Variants in UGT2B28 observed in about 807,000 individuals in gnomAD.
UGT2B28 encodes the protein UDP-glucuronosyltransferase 2B28.
A neutral mutation model predicts 43.6 loss-of-function variants in UGT2B28; 45 were observed. The observed-to-expected ratio is 1.03, with a 90% CI of 0.81 to 1.32. The LOEUF (loss-of-function observed/expected upper bound fraction) is 1.32, where lower values mean the gene tolerates loss of function less well. Ranked by LOEUF, UGT2B28 falls within the 40% of genes most tolerant of loss-of-function variation. The pLI, the probability that UGT2B28 is intolerant of heterozygous loss-of-function variation, is 0.00. For synonymous variants in UGT2B28, 204 were observed against 208.1 expected (o/e 0.98, Z 0.17); for missense variants, 649 against 625.5 (o/e 1.04, Z -0.40).
chr4:69,292,238 A>C (rs191713274), intron 5 of UGT2B28, among the ~76,000 whole-genome samples: 1 of 140,336 alleles, frequency 7.1e-6, no homozygotes, highest in African/African-American at 2.8e-5. Context: ...GATTTTGTTC[A>C]CACCCCAAAG....
In UGT2B28 at chr4:69,281,029, G is replaced by T; in HGVS notation, c.529G>T (p.Gly177Cys). ...PFVYSLCFTP[G>C]YTIERHSGGL... is the part of the protein sequence containing the mutation. ...TGTGTACAGTCTCTGCTTCACTCCT[G>T]GCTACACAATTGAAAGGCACAGTGG... Residue 177 changes from glycine to cysteine, a missense_variant, in exon 1 of 6, where the codon GGC becomes TGC. Coordinates refer to ENST00000335568, the MANE Select transcript of UGT2B28 (RefSeq NM_053039.2). 1 of 1,559,182 alleles carries T rather than the reference G, an allele frequency of 6.4e-7. No individual in the cohort carries two copies. Among genetic ancestry groups the T allele is most frequent in the Non-Finnish European group, 8.7e-7 (1 of 1,155,258 alleles).
At chr4:69,293,942 C>T (rs1447549315) in intron 5 of UGT2B28, among the ~76,000 whole-genome samples, 1 of 140,072 alleles carries the variant, frequency 7.1e-6, no homozygotes, top group Non-Finnish European at 1.5e-5. Context: ...AGCAAAGTGA[C>T]AAGCCATGAG....
chr4:69,281,702 G>T (rs1168513381), intron 1 of UGT2B28, among the ~76,000 whole-genome samples: 14 of 140,242 alleles, frequency 1.0e-4, no homozygotes, highest in Middle Eastern at 3.7e-3. Flanking sequence ...TCACAGTAGA[G>T]AGAGATAATG....
Position 69,286,833 on chromosome 4 carries a change from G to C in UGT2B28, c.952G>C (p.Ala318Pro). 6.4e-7 allele frequency: 1 copy of C among 1,556,860 alleles called. No homozygotes were observed. The highest frequency in any genetic ancestry group is 8.7e-7 in the Non-Finnish European group (1 of 1,154,540). ...GGGGTCAGTGATAAGTAACATGACA[G>C]CAGAAAGGGCCAACGTAATTGCAAC... ...SLGSVISNMTAERANVIATAL... is the reference protein window; with the variant it reads ...SLGSVISNMTPERANVIATAL... The change falls in exon 3 of 6, where the codon GCA becomes CCA. Residue 318 changes from alanine to proline, a missense_variant. Coordinates refer to ENST00000335568, the MANE Select transcript of UGT2B28 (RefSeq NM_053039.2).
chr4:69,292,149 G>T (rs1723973061), intron 5 of UGT2B28, among the ~76,000 whole-genome samples: 1 of 139,970 alleles, frequency 7.1e-6, no homozygotes, highest in African/African-American at 2.8e-5. Context: ...GTCCCATTCT[G>T]GGTGCACTAA....
Position 69,281,723 on chromosome 4 carries a change from A to T in UGT2B28, c.721+502A>T, listed in dbSNP as rs138618804. 1.4e-5 allele frequency among the ~76,000 whole-genome samples: 2 copies of T among 140,448 alleles called. 1 individual carries two copies. Among genetic ancestry groups the T allele is most frequent in the Non-Finnish European group, 3.0e-5 (2 of 65,756 alleles). The allele number at this position is 140,448 out of a possible 152,430, so 92.1% of individuals were successfully genotyped here. On this transcript the variant is annotated intron_variant, in intron 1 of 5. Transcript: ENST00000335568. ...TAGAGAGAGATAATGTCCACATCTC[A>T]GATGCAAAAGTTAATCAGGGTAATT...
intron 2 of UGT2B28, 127 bp from the exon 3 acceptor site, chr4:69,286,625 A>G (rs1577994109): frequency 7.5e-7 from 1 of 1,327,978 alleles, no homozygotes; most frequent in Non-Finnish European, 1.0e-6. Flanking sequence ...GAGTCAGTTA[A>G]AAAATATTAT....
chr4:69,288,925 T>C (rs1723860043), intron 3 of UGT2B28, among the ~76,000 whole-genome samples: 1 of 140,786 alleles, frequency 7.1e-6, no homozygotes, highest in Non-Finnish European at 1.5e-5. Flanking sequence ...CATATTTTTG[T>C]TTTTTTATGG....
At position 69,282,652 on chromosome 4, in the gene UGT2B28, C is replaced by T. The variant is rs776573611; in HGVS notation, c.860C>T (p.Pro287Leu). The stretch of plus-strand genomic sequence containing the variant: ...GGACTCCACTGCAAACCTGCCAAAC[C>T]CCTACCTAAGGTAAACATACTTTCG... Reference protein sequence around the residue: ...VGGLHCKPAKPLPKEMEEFVQ... With the variant: ...VGGLHCKPAKLLPKEMEEFVQ... Residue 287 changes from proline (P) to leucine (L), a missense_variant, in exon 2 of 6, where the codon CCC (proline) becomes CTC (leucine). Coordinates refer to ENST00000335568, the MANE Select transcript of UGT2B28 (RefSeq NM_053039.2). The T allele has an allele frequency of 3.2e-6, 5 of 1,548,578 alleles. 1 individual carries two copies. The highest frequency in any genetic ancestry group is 1.7e-6 in the Non-Finnish European group (2 of 1,151,692).
chr4:69,288,291 T>A (rs1377712879), intron 3 of UGT2B28, among the ~76,000 whole-genome samples: 1 of 140,238 alleles, frequency 7.1e-6, no homozygotes, highest in East Asian at 2.0e-4. Context: ...CTTGGCAGCA[T>A]TTATTTATTT....
At chr4:69,284,639 C>G (rs546722859) in intron 2 of UGT2B28, among the ~76,000 whole-genome samples, 1 of 139,474 alleles carries the variant, frequency 7.2e-6, no homozygotes, top group South Asian at 2.4e-4. Context: ...TGTAAAAGGA[C>G]AAGAAAAAAG....
At position 69,280,555 on chromosome 4, in the gene UGT2B28, A is replaced by T; in HGVS notation, c.55A>T (p.Ser19Cys). The T allele has an allele frequency of 1.9e-6, 3 of 1,560,244 alleles. 1 individual carries two copies. Among genetic ancestry groups the T allele is most frequent in the Non-Finnish European group, 1.7e-6 (2 of 1,155,546 alleles). Residue 19 changes from serine (S) to cysteine (C), a missense_variant, in exon 1 of 6, where the codon AGC becomes TGC. Coordinates refer to ENST00000335568, the MANE Select transcript of UGT2B28 (RefSeq NM_053039.2). Reference sequence around the variant, plus strand: ...GCTGATACATCTCGGTTGTTACTTTAGCTCTGGGAGTTGTGGAAAGGTGCT... The same window carrying T: ...GCTGATACATCTCGGTTGTTACTTTTGCTCTGGGAGTTGTGGAAAGGTGCT... The part of the protein sequence containing the change: ...LLLIHLGCYF[S>C]SGSCGKVLVW...
chr4:69,286,517 A>G (rs544561217), intron 2 of UGT2B28, among the ~76,000 whole-genome samples: 2 of 140,554 alleles, frequency 1.4e-5, no homozygotes, highest in East Asian at 2.0e-4. Context: ...CATTACACAC[A>G]TGCAGACACA....
rs373902503 is a variant in UGT2B28 at position 69,294,649 on chromosome 4, G to C, written c.1430G>C (p.Arg477Pro). Reference sequence around the variant, plus strand: ...TGCCACAAAGGAGCCAAACACCTTCGAGTTGCAGCCCGTGACCTCACCTGG... The same window carrying C: ...TGCCACAAAGGAGCCAAACACCTTCCAGTTGCAGCCCGTGACCTCACCTGG... Reference protein sequence around the residue: ...VMCHKGAKHLRVAARDLTWFQ... With the variant: ...VMCHKGAKHLPVAARDLTWFQ... The change falls in exon 6 of 6, where the codon CGA becomes CCA. Residue 477 changes from arginine (R) to proline (P), a missense_variant. Coordinates refer to ENST00000335568, the MANE Select transcript of UGT2B28 (RefSeq NM_053039.2). The C allele has an allele frequency of 1.3e-4, 203 of 1,559,780 alleles. 41 individuals carry two copies. In the African/African-American group the frequency reaches 2.7e-3, roughly 21 times the overall value.
chr4:69,291,741 G>GT lies in UGT2B28; in HGVS notation c.1310+930_1310+931insT, dbSNP rs200975468. Among the ~76,000 whole-genome samples the GT allele has an allele frequency of 5.9e-3, 815 of 138,920 alleles. 181 individuals carry two copies. Among genetic ancestry groups the GT allele is most frequent in the African/African-American group, 0.022 (781 of 35,618 alleles). 91.1% of individuals were successfully genotyped at this position (138,920 alleles called of 152,430 possible). ...TTTTACTTTCTTTTGGGTTGATGCAGAAGTGGAATTGCTGCCTCATGTGAG... is the reference window on the plus strand; with the variant it reads ...TTTTACTTTCTTTTGGGTTGATGCAGTAAGTGGAATTGCTGCCTCATGTGAG... On this transcript the variant is annotated intron_variant, in intron 5 of 5. Transcript: ENST00000335568.
intron 2 of UGT2B28, among the ~76,000 whole-genome samples, chr4:69,285,685 G>A (rs1314389388): frequency 7.1e-6 from 1 of 141,452 alleles, no homozygotes; most frequent in Non-Finnish European, 1.5e-5. Context: ...ATTTGGAAAA[G>A]TTTTACCCCA....
In UGT2B28 at chr4:69,285,872, C is replaced by G. The variant is rs916396665; in HGVS notation, c.871-880C>G. On this transcript the variant is annotated intron_variant, in intron 2 of 5. Coordinates refer to ENST00000335568, the MANE Select transcript of UGT2B28 (RefSeq NM_053039.2). ...CTGCAGAAAGGCCTGGTGGCCTCTT[C>G]TATTCTGGTGCCAGTGCTGCCTCTG... is the stretch of plus-strand genomic sequence containing the variant. Among the ~76,000 whole-genome samples the G allele has an allele frequency of 2.8e-5, 4 of 141,162 alleles. 1 individual carries two copies. Among genetic ancestry groups the G allele is most frequent in the Non-Finnish European group, 6.1e-5 (4 of 65,986 alleles). The allele number at this position is 141,162 out of a possible 152,430, so 92.6% of individuals were successfully genotyped here. A position where few individuals can be genotyped will look rare whatever the true frequency, so the allele number is the denominator to read the frequency against.
At chr4:69,292,337 G>T (rs900946039) in intron 5 of UGT2B28, among the ~76,000 whole-genome samples, 3 of 139,712 alleles carry the variant, frequency 2.1e-5, no homozygotes, top group Non-Finnish European at 4.6e-5. Flanking sequence ...TGTAAGGAGG[G>T]TATCATCTAA....
chr4:69,282,440 C>T (rs1342498056), intron 1 of UGT2B28, 74 bp from the exon 2 acceptor site: 12 of 1,454,852 alleles, frequency 8.2e-6, no homozygotes, highest in Non-Finnish European at 1.1e-5. Context: ...CTACATAATT[C>T]TAACCCCTTT....
Sources: allele counts gnomAD v4.1 joint callset (sites outside exome capture counted in the v4.1 genomes callset), GRCh38; gene constraint gnomAD v4.1.1; transcripts MANE v1.5; gene names NCBI Gene and HGNC (gene_info 2026-07-23, HGNC 2026-07-21).